The following SOX6 variants were observed in gnomAD, a reference collection of about 807,000 sequenced individuals.
SOX6 encodes the protein transcription factor SOX-6.
Under a neutral mutation model 97.8 loss-of-function variants are expected in SOX6, and 11 were observed. The ratio of observed to expected loss-of-function variants is 0.11; its 90% CI spans 0.07 to 0.19. The LOEUF is 0.19. Ranked by LOEUF, SOX6 falls within the 10% of genes least tolerant of loss-of-function variation. The pLI, the probability that SOX6 is intolerant of heterozygous loss-of-function variation, is 1.00. For missense variants in SOX6, 810 were observed against 1,039.5 expected, an observed-to-expected ratio of 0.78 and a Z score of 3.04; for synonymous variants, 360 against 371.4, an observed-to-expected ratio of 0.97 and a Z score of 0.35.
At chr11:16,720,158 A>G (rs1216468046) in intron 2 of SOX6, among the ~76,000 whole-genome samples, 20 of 151,914 alleles carry the variant, frequency 1.3e-4, no homozygotes, top group Non-Finnish European at 1.3e-4. Flanking sequence ...ATCTAGAACT[A>G]GAAATACCAT....
chr11:16,731,561 ACT>A (rs1472523433), intron 2 of SOX6, among the ~76,000 whole-genome samples: 1 of 152,096 alleles, frequency 6.6e-6, no homozygotes, highest in Non-Finnish European at 1.5e-5. Flanking sequence ...CATACTAAAA[ACT>A]CTCAATAAAT....
intron 4 of SOX6, among the ~76,000 whole-genome samples, chr11:16,195,965 C>T (rs1390576507): frequency 6.6e-6 from 1 of 152,140 alleles, no homozygotes; most frequent in African/African-American, 2.4e-5. Flanking sequence ...TTTGAGAAAC[C>T]TCCCAGATAC....
At chr11:16,693,487 T>G (rs1171583181) in intron 3 of SOX6, among the ~76,000 whole-genome samples, 1 of 152,132 alleles carries the variant, frequency 6.6e-6, no homozygotes, top group Admixed American at 6.5e-5. Context: ...TTCTCTATCA[T>G]ATCAGTTGTA....
chr11:16,211,014 A>C (rs1281874866), intron 4 of SOX6, among the ~76,000 whole-genome samples: 1 of 152,208 alleles, frequency 6.6e-6, no homozygotes, highest in African/African-American at 2.4e-5. Flanking sequence ...GGGAATACTT[A>C]GGAGTAGAGA....
intron 3 of SOX6, among the ~76,000 whole-genome samples, chr11:16,240,520 A>AC (rs1200460645): frequency 3.9e-5 from 6 of 152,062 alleles, no homozygotes; most frequent in Non-Finnish European, 8.8e-5. Context: ...CCTTAAAACC[A>AC]GTACTTAACA....
intron 6 of SOX6, among the ~76,000 whole-genome samples, chr11:16,127,742 T>C (rs1244408232): frequency 2.0e-5 from 3 of 152,100 alleles, no homozygotes; most frequent in Non-Finnish European, 4.4e-5. Context: ...TCTTAAAATA[T>C]AGAAAGTGTG....
At chr11:16,154,271 T>C (rs1035592899) in intron 6 of SOX6, among the ~76,000 whole-genome samples, 1 of 152,076 alleles carries the variant, frequency 6.6e-6, no homozygotes, top group Non-Finnish European at 1.5e-5. Flanking sequence ...AGAAGCACAA[T>C]TGGACAGTGT....
intron 15 of SOX6, 61 bp downstream of exon 15, chr11:15,986,143 C>G: frequency 7.0e-7 from 1 of 1,433,300 alleles, no homozygotes; most frequent in Non-Finnish European, 9.8e-7. Flanking sequence ...CTGCCAGTAG[C>G]CATCCTATAG....
chr11:16,522,773 A>G (rs59268707), intron 4 of SOX6, among the ~76,000 whole-genome samples: 2,141 of 152,270 alleles, frequency 0.014, 43 homozygotes, highest in East Asian at 0.052. Flanking sequence ...TCAAAATAAA[A>G]GGATGAAGGA....
chr11:16,123,104 G>A (rs966512438), intron 6 of SOX6, among the ~76,000 whole-genome samples: 4 of 151,998 alleles, frequency 2.6e-5, no homozygotes, highest in Non-Finnish European at 5.9e-5. Context: ...ATTTAGAGAT[G>A]CCTCTAAGCT....
At chr11:16,407,797 A>C (rs1303100386) in intron 1 of SOX6, among the ~76,000 whole-genome samples, 1 of 152,160 alleles carries the variant, frequency 6.6e-6, no homozygotes, top group Non-Finnish European at 1.5e-5. Flanking sequence ...AGGCCAGCAA[A>C]GCTCAATCTT....
intron 3 of SOX6, among the ~76,000 whole-genome samples, chr11:16,650,935 CAA>C (rs1266570379): frequency 6.6e-6 from 1 of 151,840 alleles, no homozygotes. Flanking sequence ...AGAAATGAAA[CAA>C]GAGATATTAC....
At chr11:16,606,084 C>A (rs1048525264) in intron 4 of SOX6, 1 of 151,572 alleles carries the variant, frequency 6.6e-6, no homozygotes, top group African/African-American at 2.4e-5. Flanking sequence ...ACTAAGACAG[C>A]CGAGGAGGGC....
intron 4 of SOX6, among the ~76,000 whole-genome samples, chr11:16,514,160 G>C (rs991183444): frequency 6.7e-6 from 1 of 149,314 alleles, no homozygotes; most frequent in Admixed American, 6.7e-5. Flanking sequence ...AGGCTGCAGT[G>C]AGCCGGGATC....
At chr11:16,130,281 T>C (rs1688363690) in intron 6 of SOX6, among the ~76,000 whole-genome samples, 2 of 152,024 alleles carry the variant, frequency 1.3e-5, no homozygotes, top group South Asian at 4.1e-4. Context: ...ATGTACAACA[T>C]GAGGACTATA....
chr11:16,039,869 T>C (rs1271813712), intron 12 of SOX6, among the ~76,000 whole-genome samples: 1 of 151,980 alleles, frequency 6.6e-6, no homozygotes, highest in Non-Finnish European at 1.5e-5. Flanking sequence ...CTTTGATAAT[T>C]TTTAAGAGTG....
chr11:16,578,158 T>A (rs960468152), intron 4 of SOX6, among the ~76,000 whole-genome samples: 2 of 152,252 alleles, frequency 1.3e-5, no homozygotes, highest in African/African-American at 4.8e-5. Flanking sequence ...CTTGGCACCA[T>A]TTTTTGAAAA....
At chr11:16,446,060 T>C (rs1188655305) in intron 1 of SOX6, among the ~76,000 whole-genome samples, 1 of 152,144 alleles carries the variant, frequency 6.6e-6, no homozygotes, top group Non-Finnish European at 1.5e-5. Context: ...GAATAGACGT[T>C]ATTTTTCTAG....
At chr11:16,175,626 A>C (rs1415821353) in intron 6 of SOX6, among the ~76,000 whole-genome samples, 1 of 151,882 alleles carries the variant, frequency 6.6e-6, no homozygotes, top group Non-Finnish European at 1.5e-5. Flanking sequence ...CATTCCTTAC[A>C]TATGTCAGGA....
Sources: allele counts gnomAD v4.1 joint callset (sites outside exome capture counted in the v4.1 genomes callset), GRCh38; gene constraint gnomAD v4.1.1; transcripts MANE v1.5; gene names NCBI Gene and HGNC (gene_info 2026-07-23, HGNC 2026-07-21).